PDS5B: variants seen among roughly 807,000 people sequenced by gnomAD.
PDS5B encodes the protein PDS5 cohesin associated factor B.
PDS5B carries 51 observed loss-of-function variants against 184.1 expected under a neutral mutation model. The ratio of observed to expected loss-of-function variants is 0.28; its 90% CI spans 0.22 to 0.35. PDS5B has a LOEUF of 0.35. Ranked by LOEUF, PDS5B falls within the 10% of genes least tolerant of loss-of-function variation. The probability of loss-of-function intolerance (pLI) is 1.00; values close to 1 mark genes in which losing one functional copy is unlikely to be tolerated. For synonymous variants in PDS5B, 566 were observed against 569.2 expected (o/e 0.99, Z 0.08); for missense variants, 1,180 against 1,723.3 (o/e 0.68, Z 5.58).
intron 9 of PDS5B, among the ~76,000 whole-genome samples, chr13:32,676,409 A>G (rs928126312): frequency 6.6e-6 from 1 of 152,168 alleles, no homozygotes; most frequent in African/African-American, 2.4e-5. Flanking sequence ...AAAGGAAATG[A>G]TGGCCTGGAT....
At chr13:32,700,819 T>TTC (rs1227337537) in intron 16 of PDS5B, among the ~76,000 whole-genome samples, 6 of 152,132 alleles carry the variant, frequency 3.9e-5, no homozygotes, top group Non-Finnish European at 8.8e-5. Flanking sequence ...TTGTCAGTGA[T>TTC]TCTTAATCTG....
At chr13:32,589,789 A>G (rs1204874317) in intron 1 of PDS5B, among the ~76,000 whole-genome samples, 1 of 122,436 alleles carries the variant, frequency 8.2e-6, no homozygotes, top group African/African-American at 3.5e-5. Flanking sequence ...CTGAGAGTGT[A>G]TTTACTTTTT....
intron 1 of PDS5B, among the ~76,000 whole-genome samples, chr13:32,604,363 A>G (rs550413130): frequency 6.6e-6 from 1 of 152,222 alleles, no homozygotes; most frequent in South Asian, 2.1e-4. Context: ...TTCTGTTTGT[A>G]TGCTGGATTA....
At chr13:32,704,429 A>C (rs1461040781) in intron 17 of PDS5B, among the ~76,000 whole-genome samples, 1 of 152,210 alleles carries the variant, frequency 6.6e-6, no homozygotes, top group Non-Finnish European at 1.5e-5. Context: ...TTGGCCTCCC[A>C]AAGTGCTGGG....
chr13:32,604,433 T>A (rs2140491265), intron 1 of PDS5B, among the ~76,000 whole-genome samples: 1 of 152,350 alleles, frequency 6.6e-6, no homozygotes, highest in Middle Eastern at 3.4e-3. Flanking sequence ...GCCAACTTGA[T>A]CATGGTGGAT....
rs778555380 is a variant in PDS5B at position 32,758,163 on chromosome 13, G to C, written c.3133G>C (p.Glu1045Gln). 2 of 1,548,740 alleles carry C rather than the reference G, an allele frequency of 1.3e-6. No homozygotes were observed. Among genetic ancestry groups the C allele is most frequent in the South Asian group, 2.4e-5 (2 of 84,584 alleles). The change falls in exon 27 of 35, where the codon GAA (glutamate) becomes CAA (glutamine). Residue 1045 changes from glutamate to glutamine, a missense_variant. Coordinates refer to ENST00000315596, the MANE Select transcript of PDS5B (RefSeq NM_015032.4). ...TCACGCTTTTATCAGAAAGATGGTAGAAAATATTAAACAAACAAAAGATGC... is the reference window on the plus strand; with the variant it reads ...TCACGCTTTTATCAGAAAGATGGTACAAAATATTAAACAAACAAAAGATGC... ...NSHAFIRKMV[E>Q]NIKQTKDAQG... is the part of the protein sequence containing the mutation.
chr13:32,755,728 T>C (rs1954150245), intron 25 of PDS5B, 114 bp from the exon 26 acceptor site: 1 of 558,120 alleles, frequency 1.8e-6, no homozygotes, highest in Non-Finnish European at 3.2e-6. Context: ...GAAAATATAG[T>C]ACGAAAGAAA....
chr13:32,753,620 C>T, intron 25 of PDS5B, 84 bp downstream of exon 25: 1 of 810,150 alleles, frequency 1.2e-6, no homozygotes, highest in Admixed American at 2.9e-5. Flanking sequence ...TATGATATTA[C>T]TGTTATTTAT....
chr13:32,635,361 T>A (rs896116040), intron 1 of PDS5B, among the ~76,000 whole-genome samples: 1 of 135,258 alleles, frequency 7.4e-6, no homozygotes, highest in African/African-American at 2.8e-5. Context: ...TTTTTTTTTT[T>A]AAAGACGGAG....
chr13:32,711,095 C>G (rs542061424), intron 19 of PDS5B, among the ~76,000 whole-genome samples: 1 of 151,764 alleles, frequency 6.6e-6, no homozygotes, highest in African/African-American at 2.4e-5. Flanking sequence ...CAGGTTCAAG[C>G]GATTCTCCTG....
chr13:32,759,381 G>A (rs1239782006), intron 28 of PDS5B, among the ~76,000 whole-genome samples: 1 of 152,156 alleles, frequency 6.6e-6, no homozygotes, highest in Non-Finnish European at 1.5e-5. Context: ...TATTAAAGAA[G>A]CATGTGTTTT....
chr13:32,706,834 A>G lies in PDS5B; in HGVS notation c.1857-100A>G, dbSNP rs185943315. 3.3e-4 allele frequency: 176 copies of G among 527,542 alleles called. 1 individual carries two copies. Among genetic ancestry groups the G allele is most frequent in the African/African-American group, 3.0e-3 (156 of 51,314 alleles). The allele number at this position is 527,542 out of a possible 1,614,324, so 32.7% of individuals were successfully genotyped here. The stretch of plus-strand genomic sequence containing the variant: ...TATATCAAATTTGTATTTGGTTCGG[A>G]TATGTATATATGTATGTGCACATAT... On this transcript the variant is annotated intron_variant, in intron 17 of 34. Coordinates refer to ENST00000315596, the MANE Select transcript of PDS5B (RefSeq NM_015032.4).
chr13:32,773,273 C>T lies in PDS5B; in HGVS notation c.4257C>T (p.Val1419=), dbSNP rs373741028. The change falls in exon 34 of 35, where the codon GTC becomes GTT. Residue 1419 remains valine, a synonymous_variant. Coordinates refer to ENST00000315596, the MANE Select transcript of PDS5B (RefSeq NM_015032.4). ...ATGTGTTTCAGGGTAGCTCTCCTGT[C>T]GATGATATTCCACAGGAAGAAACAG... ...EVDVFQGSSP[V]DDIPQEETEE... 1.1e-4 allele frequency: 180 copies of T among 1,612,108 alleles called. No individual in the cohort carries two copies. Among genetic ancestry groups the T allele is most frequent in the Non-Finnish European group, 1.4e-4 (168 of 1,178,778 alleles).
At chr13:32,602,249 C>T (rs769280869) in intron 1 of PDS5B, among the ~76,000 whole-genome samples, 2 of 152,126 alleles carry the variant, frequency 1.3e-5, no homozygotes. Flanking sequence ...CCCCTCCCTT[C>T]CCCTCACCCC....
intron 1 of PDS5B, among the ~76,000 whole-genome samples, chr13:32,592,067 AT>A (rs2057784308): frequency 6.6e-6 from 1 of 152,102 alleles, no homozygotes; most frequent in African/African-American, 2.4e-5. Context: ...GGGCAAATAA[AT>A]TTTGTATAGA....
At chr13:32,713,538 ATAATT>A (rs1412037013) in intron 19 of PDS5B, among the ~76,000 whole-genome samples, 6 of 152,338 alleles carry the variant, frequency 3.9e-5, no homozygotes, top group South Asian at 4.1e-4. Flanking sequence ...ACTATAGAAT[ATAATT>A]TAATATAAGT....
chr13:32,648,162 AAG>A (rs1301164908), intron 1 of PDS5B, among the ~76,000 whole-genome samples: 1 of 152,178 alleles, frequency 6.6e-6, no homozygotes, highest in Non-Finnish European at 1.5e-5. Context: ...GGCTGGGGAA[AAG>A]AGGTGTTCAT....
chr13:32,743,306 C>CGTG (rs1953626604), intron 23 of PDS5B, among the ~76,000 whole-genome samples: 1 of 94,964 alleles, frequency 1.1e-5, no homozygotes, highest in Non-Finnish European at 2.1e-5. Context: ...CTTGGTCCCT[C>CGTG]AGTTTCCTTA....
Position 32,624,251 on chromosome 13 carries a change from TTTTC to T in PDS5B, c.-19-24499_-19-24496del, listed in dbSNP as rs139866540. Among the ~76,000 whole-genome samples the T allele has an allele frequency of 2.9e-3, 445 of 152,206 alleles. 5 individuals are homozygous for T. Among genetic ancestry groups the T allele is most frequent in the African/African-American group, 0.01 (431 of 41,552 alleles). On this transcript the variant is annotated intron_variant, in intron 1 of 34. Coordinates refer to ENST00000315596, the MANE Select transcript of PDS5B (RefSeq NM_015032.4). ...TTTTGCTTTCATGTTTAGAGTTTCT[TTTTC>T]TTTATTTTCTTTTACTAAGATATCA... is the stretch of plus-strand genomic sequence containing the variant.
Sources: allele counts gnomAD v4.1 joint callset (sites outside exome capture counted in the v4.1 genomes callset), GRCh38; gene constraint gnomAD v4.1.1; transcripts MANE v1.5; gene names NCBI Gene and HGNC (gene_info 2026-07-23, HGNC 2026-07-21).